The following PASD1 variants were observed in gnomAD, a reference collection of about 807,000 sequenced individuals.
PASD1 encodes the protein circadian clock protein PASD1.
A neutral mutation model predicts 58.8 loss-of-function variants in PASD1; 13 were observed. The ratio of observed to expected loss-of-function variants is 0.22; its 90% CI spans 0.14 to 0.35. The LOEUF is 0.35. Among genes scored for constraint, PASD1 ranks in the 10% least tolerant of loss-of-function variants. The probability of loss-of-function intolerance (pLI) is 1.00; values close to 1 mark genes in which losing one functional copy is unlikely to be tolerated. For missense variants in PASD1, 734 were observed against 568.3 expected, an observed-to-expected ratio of 1.29 and a Z score of -2.96; for synonymous variants, 236 against 216.7, an observed-to-expected ratio of 1.09 and a Z score of -0.78.
intron 1 of PASD1, among the ~76,000 whole-genome samples, chrX:151,565,454 C>G (rs1015299597): frequency 8.1e-5 from 9 of 111,247 alleles, no homozygotes; most frequent in African/African-American, 2.9e-4. Flanking sequence ...GGAACTGGAC[C>G]TTTCTTCCAT....
chrX:151,613,596 C>T (rs1204338563), intron 4 of PASD1, among the ~76,000 whole-genome samples: 2 of 111,287 alleles, frequency 1.8e-5, no homozygotes, highest in African/African-American at 6.6e-5. Flanking sequence ...AATGGGAGTT[C>T]ACTCATGATT....
At chrX:151,573,312 T>A (rs1194065049) in intron 1 of PASD1, among the ~76,000 whole-genome samples, 5 of 111,938 alleles carry the variant, frequency 4.5e-5, no homozygotes, top group African/African-American at 1.6e-4. Flanking sequence ...TATATCATCA[T>A]CTGTCCTGCA....
chrX:151,615,221 A>G (rs1383741302), intron 4 of PASD1, among the ~76,000 whole-genome samples: 1 of 99,632 alleles, frequency 1.0e-5, no homozygotes, highest in Non-Finnish European at 2.2e-5. Flanking sequence ...TAGTTATGAT[A>G]TGATCTTGCT....
At chrX:151,623,536 TAG>T (rs2013744810) in intron 7 of PASD1, among the ~76,000 whole-genome samples, 1 of 111,995 alleles carries the variant, frequency 8.9e-6, no homozygotes, top group Admixed American at 9.5e-5. Context: ...ATTCATCTGA[TAG>T]ATTCAGCTTC....
chrX:151,642,607 A>G (rs781745422), intron 8 of PASD1, among the ~76,000 whole-genome samples: 68 of 112,192 alleles, frequency 6.1e-4, no homozygotes, highest in Middle Eastern at 4.6e-3. Flanking sequence ...TGCATTTTCT[A>G]ATTTTTCAAT....
chrX:151,671,755 G>T lies in PASD1; in HGVS notation c.1413G>T (p.Gln471His). ...CTCTCAAAAACACTGGGGAGCTTCA[G>T]GAGCCTTGTGTTGCCTTCAACCAGG... ...SNSLKNTGELQEPCVAFNQQQ... is the reference protein window; with the variant it reads ...SNSLKNTGELHEPCVAFNQQQ... Residue 471 changes from glutamine to histidine, a missense_variant, in exon 13 of 16, where the codon CAG (glutamine) becomes CAT (histidine). Gln to His is a conservative substitution (Grantham distance 24). Transcript: ENST00000370357. The T allele has an allele frequency of 8.3e-7, 1 of 1,208,057 alleles. No homozygotes were observed. Among genetic ancestry groups the T allele is most frequent in the South Asian group, 1.8e-5 (1 of 56,881 alleles).
At chrX:151,663,562 T>A (rs938667928) in intron 10 of PASD1, among the ~76,000 whole-genome samples, 1 of 112,562 alleles carries the variant, frequency 8.9e-6, no homozygotes, top group Admixed American at 9.4e-5. Flanking sequence ...CAACTCCTGG[T>A]TGCGGGACTG....
chrX:151,644,060 C>G (rs755309008), intron 8 of PASD1, among the ~76,000 whole-genome samples: 38 of 111,581 alleles, frequency 3.4e-4, no homozygotes, highest in Non-Finnish European at 7.0e-4. Context: ...TATTCTGAAC[C>G]GATCCAAATT....
chrX:151,564,353 C>T (rs2012795515), intron 1 of PASD1, among the ~76,000 whole-genome samples: 1 of 111,530 alleles, frequency 9.0e-6, no homozygotes, highest in Non-Finnish European at 1.9e-5. Flanking sequence ...AGTTTGTACA[C>T]GTGAAATCTC....
chrX:151,646,453 G>T (rs1160548020), intron 8 of PASD1, among the ~76,000 whole-genome samples: 1 of 111,823 alleles, frequency 8.9e-6, no homozygotes, highest in Non-Finnish European at 1.9e-5. Context: ...CATCCAAGAC[G>T]GCAGCCACTA....
At chrX:151,670,130 T>G (rs2014445591) in intron 11 of PASD1, among the ~76,000 whole-genome samples, 1 of 112,035 alleles carries the variant, frequency 8.9e-6, no homozygotes, top group Admixed American at 9.5e-5. Flanking sequence ...CTATTATCTC[T>G]ATCCTGAATT....
chrX:151,605,377 A>G (rs1443889575), intron 3 of PASD1, among the ~76,000 whole-genome samples: 3 of 111,483 alleles, frequency 2.7e-5, no homozygotes, highest in Admixed American at 9.5e-5. Flanking sequence ...GCGTTTGGCA[A>G]TATTAGACGC....
At chrX:151,608,871 A>G (rs1479107460) in intron 3 of PASD1, among the ~76,000 whole-genome samples, 1 of 111,406 alleles carries the variant, frequency 9.0e-6, no homozygotes, top group African/African-American at 3.3e-5. Context: ...ATATTCTCTT[A>G]TCTTCATAAT....
chrX:151,581,245 A>AAAAAAAAAAAAAAAAAAAAAAAG (rs1221430410), intron 1 of PASD1, among the ~76,000 whole-genome samples: 1 of 103,641 alleles, frequency 9.6e-6, no homozygotes, highest in Non-Finnish European at 2.0e-5. Flanking sequence ...AAAAAAAAAA[A>AAAAAAAAAAAAAAAAAAAAAAAG]AAAAAAAAGT....
chrX:151,670,708 T>A (rs1485055326), intron 11 of PASD1, among the ~76,000 whole-genome samples: 3 of 112,049 alleles, frequency 2.7e-5, no homozygotes, highest in African/African-American at 9.7e-5. Context: ...CTGCCATTTG[T>A]GATTTGACCC....
chrX:151,674,155 G>A lies in PASD1; in HGVS notation c.2144G>A (p.Gly715Asp). The A allele has an allele frequency of 8.3e-7, 1 of 1,211,811 alleles. No individual in the cohort carries two copies. Among genetic ancestry groups the A allele is most frequent in the South Asian group, 1.8e-5 (1 of 57,000 alleles). ...QVNTWSCDEQ[G>D]TLHGQPTYHQ... ...AACACTTGGTCTTGCGATGAGCAGG[G>A]CACCCTGCACGGCCAACCCACCTAC... The change falls in exon 15 of 16, where the codon GGC (glycine) becomes GAC (aspartate). Residue 715 changes from glycine (G) to aspartate (D), a missense_variant. Physicochemically the swap from Gly to Asp is moderately conservative, Grantham distance 94. Coordinates refer to ENST00000370357, the MANE Select transcript of PASD1 (RefSeq NM_173493.3).
intron 4 of PASD1, among the ~76,000 whole-genome samples, chrX:151,615,062 T>G (rs1177312931): frequency 9.0e-6 from 1 of 111,640 alleles, no homozygotes; most frequent in Non-Finnish European, 1.9e-5. Context: ...TGTACGAGTA[T>G]GATCCACTAC....
chrX:151,666,043 A>C lies in PASD1; in HGVS notation c.1071+1695A>C, dbSNP rs1336845062. ...TTTTATTCCAAATAATGAAAACAAC[A>C]ACTTGTAGGGTATTCTCTCTCTCTC... is the stretch of plus-strand genomic sequence containing the variant. On this transcript the variant is annotated intron_variant, in intron 11 of 15. Transcript: ENST00000370357. Among the ~76,000 whole-genome samples, 4 of 110,048 alleles carry C rather than the reference A, an allele frequency of 3.6e-5. No individual in the cohort carries two copies. The East Asian group carries it at 8.6e-4, about 24-fold the overall frequency.
intron 9 of PASD1, 71 bp from the exon 10 acceptor site, chrX:151,659,642 T>A: frequency 1.4e-5 from 14 of 1,010,905 alleles, no homozygotes; most frequent in Non-Finnish European, 1.9e-5. Flanking sequence ...AAGTTTGTAT[T>A]CTGCCTGTGT....
Sources: allele counts gnomAD v4.1 joint callset (sites outside exome capture counted in the v4.1 genomes callset), GRCh38; gene constraint gnomAD v4.1.1; transcripts MANE v1.5; gene names NCBI Gene and HGNC (gene_info 2026-07-23, HGNC 2026-07-21).